The following SETBP1 variants were observed in gnomAD, a reference collection of about 807,000 sequenced individuals.
SETBP1 encodes the protein SET binding protein 1.
A neutral mutation model predicts 101.0 loss-of-function variants in SETBP1; 9 were observed. The observed-to-expected ratio is 0.09, with a 90% CI of 0.05 to 0.16. The LOEUF (loss-of-function observed/expected upper bound fraction) is 0.16. SETBP1 is among the 10% of genes least tolerant of loss of function. The pLI is 1.00. For missense variants in SETBP1, 1,858 were observed against 2,033.8 expected (o/e 0.91, Z 1.66); for synonymous variants, 818 against 788.5 (o/e 1.04, Z -0.63).
chr18:44,693,419 C>A (rs1568092904), intron 1 of SETBP1, among the ~76,000 whole-genome samples: 1 of 152,184 alleles, frequency 6.6e-6, no homozygotes, highest in Non-Finnish European at 1.5e-5. Context: ...TTAGGAAAGA[C>A]AAGTTCTGGC....
chr18:44,961,492 G>T (rs1240937119), intron 4 of SETBP1, among the ~76,000 whole-genome samples: 1 of 152,184 alleles, frequency 6.6e-6, no homozygotes, highest in Non-Finnish European at 1.5e-5. Context: ...CATTGCTGTG[G>T]TTCTAGCAGT....
chr18:44,901,264 T>G (rs1355191507), intron 3 of SETBP1, among the ~76,000 whole-genome samples: 1 of 152,214 alleles, frequency 6.6e-6, no homozygotes, highest in African/African-American at 2.4e-5. Context: ...TTCTGTGCTC[T>G]TCTATCTATT....
chr18:44,724,688 G>C (rs559301297), intron 2 of SETBP1, among the ~76,000 whole-genome samples: 2 of 152,326 alleles, frequency 1.3e-5, no homozygotes, highest in African/African-American at 4.8e-5. Context: ...GTAAAGCCTA[G>C]AGGATTTGAA....
chr18:44,991,575 G>A (rs1296863725), intron 4 of SETBP1, among the ~76,000 whole-genome samples: 1 of 152,054 alleles, frequency 6.6e-6, no homozygotes, highest in Non-Finnish European at 1.5e-5. Context: ...ATGATAGAAT[G>A]TTCAGTTAAA....
intron 5 of SETBP1, among the ~76,000 whole-genome samples, chr18:45,039,577 G>A (rs548261696): frequency 6.0e-4 from 91 of 152,236 alleles, no homozygotes; most frequent in Admixed American, 1.4e-3. Flanking sequence ...CAGAGGCAGA[G>A]TCAACCGTTT....
chr18:44,745,760 G>T (rs2070228480), intron 2 of SETBP1, among the ~76,000 whole-genome samples: 2 of 152,204 alleles, frequency 1.3e-5, no homozygotes, highest in Admixed American at 1.3e-4. Context: ...CCTTGGAAGT[G>T]CTAAGTGAGC....
At chr18:44,939,509 G>A (rs1455283942) in intron 3 of SETBP1, among the ~76,000 whole-genome samples, 1 of 152,168 alleles carries the variant, frequency 6.6e-6, no homozygotes, top group Non-Finnish European at 1.5e-5. Flanking sequence ...TAACAACTCT[G>A]AATAAGCTGC....
chr18:44,771,824 G>T (rs1433996863), intron 2 of SETBP1, among the ~76,000 whole-genome samples: 2 of 152,218 alleles, frequency 1.3e-5, no homozygotes, highest in South Asian at 2.1e-4. Context: ...GGCTGGCTGG[G>T]AAGGGAATGG....
At chr18:44,742,788 A>G (rs1026465402) in intron 2 of SETBP1, among the ~76,000 whole-genome samples, 1 of 151,966 alleles carries the variant, frequency 6.6e-6, no homozygotes, top group Non-Finnish European at 1.5e-5. Flanking sequence ...CTCAGAGTTG[A>G]TCTATCTGAA....
intron 2 of SETBP1, among the ~76,000 whole-genome samples, chr18:44,757,436 G>A (rs1346093983): frequency 4.6e-5 from 7 of 152,092 alleles, no homozygotes; most frequent in African/African-American, 2.4e-5. Flanking sequence ...GATTCAATCC[G>A]CACTAGCCAC....
At chr18:44,956,101 G>C (rs534062290) in intron 4 of SETBP1, among the ~76,000 whole-genome samples, 4 of 152,090 alleles carry the variant, frequency 2.6e-5, no homozygotes, top group East Asian at 3.9e-4. Flanking sequence ...AATCATAATT[G>C]TTGGTGGCTG....
chr18:45,002,415 T>C (rs1417040349), intron 4 of SETBP1, among the ~76,000 whole-genome samples: 2 of 151,966 alleles, frequency 1.3e-5, no homozygotes, highest in East Asian at 3.9e-4. Context: ...AACACAGGCC[T>C]GGTCCCTGCT....
At chr18:45,050,154 A>G (rs548619638) in intron 5 of SETBP1, among the ~76,000 whole-genome samples, 1 of 152,372 alleles carries the variant, frequency 6.6e-6, no homozygotes, top group African/African-American at 2.4e-5. Context: ...ACTGCAATAT[A>G]CACTGTAGGT....
intron 3 of SETBP1, among the ~76,000 whole-genome samples, chr18:44,940,091 T>C (rs552747915): frequency 6.6e-6 from 1 of 152,350 alleles, no homozygotes; most frequent in African/African-American, 2.4e-5. Context: ...TTGTCTCTTC[T>C]TGGTAAATTG....
chr18:44,936,343 T>G (rs1281814956), intron 3 of SETBP1, among the ~76,000 whole-genome samples: 1 of 152,196 alleles, frequency 6.6e-6, no homozygotes, highest in African/African-American at 2.4e-5. Context: ...TCTGGAAGGA[T>G]GCAGCAGTGC....
At chr18:44,764,764 G>A (rs78754198) in intron 2 of SETBP1, among the ~76,000 whole-genome samples, 12,195 of 152,126 alleles carry the variant, frequency 0.08, 545 homozygotes, top group East Asian at 0.14. Flanking sequence ...GAGCCACCGC[G>A]CCCGGCCATC....
rs2073844190 is a variant in SETBP1, at chr18:45,058,529, T to C, written c.4172-4550T>C. On this transcript the variant is annotated intron_variant, in intron 5 of 5. Coordinates refer to ENST00000649279, the MANE Select transcript of SETBP1 (RefSeq NM_015559.3). ...AAGAGCATCTGGTTCAGCCATCCAA[T>C]GTAACAGATGAAGAAACAGAGATGG... Among the ~76,000 whole-genome samples, 5 of 152,192 alleles carry C rather than the reference T, an allele frequency of 3.3e-5. No individual in the cohort carries two copies. The South Asian group carries it at 1.0e-3, about 31-fold the overall frequency.
At chr18:44,869,861 C>T in intron 3 of SETBP1, 1 of 176,250 alleles carries the variant, frequency 5.7e-6, no homozygotes, top group Non-Finnish European at 1.2e-5. Flanking sequence ...GACTTTTTTG[C>T]AGGGGTGAAA....
chr18:44,980,481 C>T (rs1205843643), intron 4 of SETBP1, among the ~76,000 whole-genome samples: 1 of 149,568 alleles, frequency 6.7e-6, no homozygotes, highest in East Asian at 1.9e-4. Flanking sequence ...CATTCTTCTG[C>T]TTTAAAAAAA....
Sources: allele counts gnomAD v4.1 joint callset (sites outside exome capture counted in the v4.1 genomes callset), GRCh38; gene constraint gnomAD v4.1.1; transcripts MANE v1.5; gene names NCBI Gene and HGNC (gene_info 2026-07-23, HGNC 2026-07-21).